SYN3: variants seen among roughly 807,000 people sequenced by gnomAD.
The protein encoded by SYN3 is synapsin III, also known as synapsin-3.
In SYN3, 35 loss-of-function variants were observed where a neutral mutation model predicts 65.8. The ratio of observed to expected loss-of-function variants is 0.53; its 90% CI spans 0.41 to 0.70. SYN3 has a LOEUF of 0.70. SYN3 is among the 30% of genes least tolerant of loss of function. The pLI, the probability that SYN3 is intolerant of heterozygous loss-of-function variation, is 0.00. For synonymous variants in SYN3, 270 were observed against 292.9 expected (o/e 0.92, Z 0.80); for missense variants, 680 against 749.0 (o/e 0.91, Z 1.08).
chr22:32,813,513 ACAC>A lies in SYN3; in HGVS notation c.711+51399_711+51401del, dbSNP rs1569244203. On this transcript the variant is annotated intron_variant, in intron 6 of 13. Coordinates refer to ENST00000358763, the MANE Select transcript of SYN3 (RefSeq NM_003490.4). ...CACACACACACACACACACACACAC[ACAC>A]ACACACACACACACACACACGTGGA... Among the ~76,000 whole-genome samples the A allele has an allele frequency of 9.3e-3, 1,404 of 150,196 alleles. 25 individuals carry two copies. Among genetic ancestry groups the A allele is most frequent in the African/African-American group, 0.034 (1,350 of 39,812 alleles).
At chr22:32,815,406 G>A (rs923101896) in intron 6 of SYN3, among the ~76,000 whole-genome samples, 1 of 152,090 alleles carries the variant, frequency 6.6e-6, no homozygotes, top group Non-Finnish European at 1.5e-5. Context: ...AGATGGAACT[G>A]GAACAAAAAT....
chr22:32,910,743 T>G (rs909701276), intron 4 of SYN3, among the ~76,000 whole-genome samples: 3 of 152,252 alleles, frequency 2.0e-5, no homozygotes, highest in Non-Finnish European at 4.4e-5. Flanking sequence ...ATTCTTCATC[T>G]GGAAAATAGG....
At chr22:32,981,821 C>A (rs1341670872) in intron 2 of SYN3, among the ~76,000 whole-genome samples, 2 of 151,960 alleles carry the variant, frequency 1.3e-5, no homozygotes, top group Non-Finnish European at 2.9e-5. Context: ...AGTGTTTTAT[C>A]CATATTTTTC....
intron 6 of SYN3, among the ~76,000 whole-genome samples, chr22:32,661,502 A>G (rs2060216188): frequency 6.6e-6 from 1 of 152,116 alleles, no homozygotes; most frequent in African/African-American, 2.4e-5. Context: ...TTCCTTTCTT[A>G]CTTACTTTCT....
At chr22:32,977,234 C>T (rs770938227) in intron 3 of SYN3, among the ~76,000 whole-genome samples, 25 of 152,180 alleles carry the variant, frequency 1.6e-4, no homozygotes, top group Non-Finnish European at 3.1e-4. Context: ...GACTGGCTGA[C>T]GGGCCCCAGA....
chr22:32,813,533 ACACG>A (rs1293824590), intron 6 of SYN3, among the ~76,000 whole-genome samples: 2 of 139,534 alleles, frequency 1.4e-5, no homozygotes, highest in Non-Finnish European at 3.1e-5. Flanking sequence ...ACACACACAC[ACACG>A]TGGACCAAAC....
At chr22:32,679,048 C>CTTTTTTTTTTTTTTTTTTTTTTTTTTT in intron 6 of SYN3, among the ~76,000 whole-genome samples, 1 of 85,658 alleles carries the variant, frequency 1.2e-5, no homozygotes, top group Non-Finnish European at 2.1e-5. Context: ...TTGTTTCTTT[C>CTTTTTTTTTTTTTTTTTTTTTTTTTTT]TTTTTTTTTT....
intron 1 of SYN3, among the ~76,000 whole-genome samples, chr22:33,025,446 A>AC: frequency 6.6e-6 from 1 of 150,760 alleles, no homozygotes; most frequent in East Asian, 2.0e-4. Flanking sequence ...AAAAAAAAAA[A>AC]AAAAAAAAGA....
At chr22:32,525,170 A>G (rs1325424332) in intron 12 of SYN3, among the ~76,000 whole-genome samples, 2 of 152,376 alleles carry the variant, frequency 1.3e-5, no homozygotes, top group Admixed American at 6.5e-5. Context: ...CAAAATAGCA[A>G]CATTAACAGG....
At chr22:32,584,508 T>A (rs1255576920) in intron 7 of SYN3, among the ~76,000 whole-genome samples, 3 of 152,118 alleles carry the variant, frequency 2.0e-5, no homozygotes. Flanking sequence ...TCAACAGACA[T>A]GACCAGGAAA....
At chr22:32,859,837 C>T (rs376058300) in intron 6 of SYN3, 2 of 195,124 alleles carry the variant, frequency 1.0e-5, no homozygotes, top group African/African-American at 4.8e-5. Context: ...AAAGGCCAAC[C>T]ATTTCAGGAT....
At chr22:32,921,483 G>A (rs528197244) in intron 4 of SYN3, among the ~76,000 whole-genome samples, 2 of 152,250 alleles carry the variant, frequency 1.3e-5, no homozygotes, top group African/African-American at 4.8e-5. Context: ...GAGACTGAGT[G>A]TCCACTCACG....
intron 3 of SYN3, among the ~76,000 whole-genome samples, chr22:32,942,988 A>G (rs566249229): frequency 6.6e-6 from 1 of 152,356 alleles, no homozygotes; most frequent in South Asian, 2.1e-4. Context: ...CCTGAAAGTG[A>G]CTGAGAGAAT....
At chr22:32,757,911 G>A (rs1411222170) in intron 6 of SYN3, among the ~76,000 whole-genome samples, 1 of 152,218 alleles carries the variant, frequency 6.6e-6, no homozygotes, top group Non-Finnish European at 1.5e-5. Context: ...TGAAGGCAAA[G>A]GGAATACAAA....
At chr22:32,711,641 C>T (rs1409047303) in intron 6 of SYN3, among the ~76,000 whole-genome samples, 1 of 152,216 alleles carries the variant, frequency 6.6e-6, no homozygotes, top group African/African-American at 2.4e-5. Flanking sequence ...TATGCCTCTT[C>T]CTTCTTATCA....
At chr22:32,977,763 C>T (rs956478026) in intron 3 of SYN3, among the ~76,000 whole-genome samples, 2 of 148,848 alleles carry the variant, frequency 1.3e-5, no homozygotes, top group Admixed American at 6.7e-5. Context: ...AAAAAAGAAG[C>T]GGTGACTTAT....
In SYN3 at chr22:32,512,305, T is replaced by G. The variant is rs967362093; in HGVS notation, c.*1387A>C. On this transcript the variant is annotated 3_prime_UTR_variant, in exon 14 of 14. Coordinates refer to ENST00000358763, the MANE Select transcript of SYN3 (RefSeq NM_003490.4). ...CTGTGGACAGCAAAAGGAAGACATG[T>G]CTCATGTTGCGAAGTGGGAGGCAAG... is the stretch of plus-strand genomic sequence containing the variant. Among the ~76,000 whole-genome samples, 2 of 152,182 alleles carry G rather than the reference T, an allele frequency of 1.3e-5. No individual in the cohort carries two copies. Among genetic ancestry groups the G allele is most frequent in the Non-Finnish European group, 2.9e-5 (2 of 68,026 alleles).
At chr22:33,025,280 C>A (rs1347698426) in intron 1 of SYN3, among the ~76,000 whole-genome samples, 2 of 151,606 alleles carry the variant, frequency 1.3e-5, no homozygotes, top group African/African-American at 4.8e-5. Context: ...ATGGTAAAAC[C>A]CCGTCTCTAC....
At chr22:32,748,682 T>C (rs1317106120) in intron 6 of SYN3, among the ~76,000 whole-genome samples, 3 of 152,220 alleles carry the variant, frequency 2.0e-5, no homozygotes, top group Non-Finnish European at 4.4e-5. Context: ...CTTGCCAATC[T>C]GGGGACAGCG....
Sources: gnomAD v4.1 joint callset for allele counts (sites outside exome capture counted in the v4.1 genomes callset) on GRCh38, gnomAD v4.1.1 for gene constraint, MANE v1.5 for transcripts, NCBI Gene and HGNC (gene_info 2026-07-23, HGNC 2026-07-21) for gene names.